Variants in ZBTB6 observed in about 807,000 individuals in gnomAD.
The protein encoded by ZBTB6 is zinc finger and BTB domain containing 6.
In ZBTB6, 11 loss-of-function variants were observed where a neutral mutation model predicts 30.6. The ratio of observed to expected loss-of-function variants is 0.36; its 90% confidence interval spans 0.23 to 0.60. The LOEUF (loss-of-function observed/expected upper bound fraction) is 0.60, where lower values mean the gene tolerates loss of function less well. ZBTB6 is among the 20% of genes least tolerant of loss of function. The pLI, the probability that ZBTB6 is intolerant of heterozygous loss-of-function variation, is 0.75. For synonymous variants in ZBTB6, 174 were observed against 172.0 expected (o/e 1.01, Z -0.09); for missense variants, 380 against 489.4 (o/e 0.78, Z 2.11).
chr9:122,912,185 G>C, intron 1 of ZBTB6, 104 bp from the exon 2 acceptor site: 1 of 1,172,168 alleles, frequency 8.5e-7, no homozygotes, highest in South Asian at 1.6e-5. Context: ...GAATTAGGAA[G>C]AAGAAGACTC....
Position 122,908,277 on chromosome 9 carries a change from T to G in ZBTB6, c.*2521A>C, listed in dbSNP as rs1832921252. ...ATGTGAATATGTTAAATGAATAAAT[T>G]CTATACTTTGTCATACCTGAACTTT... On this transcript the variant is annotated 3_prime_UTR_variant, in exon 2 of 2. Coordinates refer to ENST00000373659, the MANE Select transcript of ZBTB6 (RefSeq NM_006626.6). The G allele has an allele frequency of 6.6e-6, 1 of 152,234 alleles. No individual in the cohort carries two copies. The highest frequency in any genetic ancestry group is 2.1e-4 in the South Asian group (1 of 4,832). 9.4% of individuals were successfully genotyped at this position (152,234 alleles called of 1,614,324 possible).
chr9:122,911,382 C>A lies in ZBTB6; in HGVS notation c.691G>T (p.Glu231Ter), dbSNP rs779237963. The A allele has an allele frequency of 6.2e-7, 1 of 1,614,034 alleles. No individual in the cohort carries two copies. Among genetic ancestry groups the A allele is most frequent in the Admixed American group, 1.7e-5 (1 of 60,022 alleles). Residue 231 changes from glutamate (E) to a stop codon, truncating the protein, a stop_gained, in exon 2 of 2, where the codon GAA (glutamate) becomes TAA (stop). Coordinates refer to ENST00000373659, the MANE Select transcript of ZBTB6 (RefSeq NM_006626.6). LOFTEE classifies it high-confidence loss of function. This position sits in a 1 kb window ranked among gnomAD's most constrained non-coding sequence, Gnocchi z 4.5. ...HVESISTAGV[E>*]NGQFSQPCTS... ...CAAGGCTGTGAAAACTGCCCATTTT[C>A]GACACCAGCTGTACTGATGGATTCT...
Position 122,910,928 on chromosome 9 carries a change from T to A in ZBTB6, c.1145A>T (p.Tyr382Phe). ...ATCCATATCACAACAGTGGCATTTG[T>A]ATGGCCGATCCCCACTGTGTATGTT... The part of the protein sequence containing the change: ...HLNIHSGDRP[Y>F]KCHCCDMDFK... Residue 382 changes from tyrosine (Y) to phenylalanine (F), a missense_variant, in exon 2 of 2, where the codon TAC (tyrosine) becomes TTC (phenylalanine). Coordinates refer to ENST00000373659, the MANE Select transcript of ZBTB6 (RefSeq NM_006626.6). 6.2e-7 allele frequency: 1 copy of A among 1,614,180 alleles called. No homozygotes were observed. The highest frequency in any genetic ancestry group is 8.5e-7 in the Non-Finnish European group (1 of 1,180,012).
In ZBTB6 at chr9:122,908,988, A is replaced by G. The variant is rs1487946115; in HGVS notation, c.*1810T>C. On this transcript the variant is annotated 3_prime_UTR_variant, in exon 2 of 2. Transcript: ENST00000373659. ...GACCAAGATCAAAGTTATTTTACAT[A>G]TAAAGTTAAAAAGTTCAAGGAGAAA... The G allele has an allele frequency of 6.6e-6, 1 of 152,246 alleles. No homozygotes were observed. Among genetic ancestry groups the G allele is most frequent in the East Asian group, 1.9e-4 (1 of 5,198 alleles). The allele number at this position is 152,246 out of a possible 1,614,324, so 9.4% of individuals were successfully genotyped here.
At chr9:122,912,196 A>G in intron 1 of ZBTB6, 115 bp from the exon 2 acceptor site, 1 of 1,058,778 alleles carries the variant, frequency 9.4e-7, no homozygotes. Flanking sequence ...AAGAAGACTC[A>G]AAGTCTAATG....
At chr9:122,913,201 C>T in intron 1 of ZBTB6, 50 bp downstream of exon 1, 4 of 947,612 alleles carry the variant, frequency 4.2e-6, no homozygotes, top group Non-Finnish European at 5.0e-6. Flanking sequence ...CCTCCTCCTC[C>T]TCTTCCTCAG....
rs893536700 is a variant in ZBTB6, at chr9:122,911,661, G to T, written c.412C>A (p.Gln138Lys). ...GAAGACTGACACAGGTCAGTGTGTTGGTTGTTGTTTTTCATAGAAAGATCA... is the reference window on the plus strand; with the variant it reads ...GAAGACTGACACAGGTCAGTGTGTTTGTTGTTGTTTTTCATAGAAAGATCA... ...EIDLSMKNNN[Q>K]HTDLCQSSDP... The change falls in exon 2 of 2, where the codon CAA becomes AAA. Residue 138 changes from glutamine to lysine, a missense_variant. By Grantham distance (53) the Gln-to-Lys change is moderately conservative (BLOSUM62 1). Transcript: ENST00000373659. The surrounding 1 kb of genome is among the most constrained non-coding windows in gnomAD (Gnocchi z 4.5). The T allele has an allele frequency of 1.9e-6, 3 of 1,613,416 alleles. No homozygotes were observed. Among genetic ancestry groups the T allele is most frequent in the Non-Finnish European group, 2.5e-6 (3 of 1,180,042 alleles).
rs1375915803 is a variant in ZBTB6 at position 122,911,396 on chromosome 9, C to T, written c.677G>A (p.Ser226Asn). 1.2e-6 allele frequency: 2 copies of T among 1,614,154 alleles called. No individual in the cohort carries two copies. The highest frequency in any genetic ancestry group is 8.5e-7 in the Non-Finnish European group (1 of 1,180,040). Reference protein sequence around the residue: ...EICILHVESISTAGVENGQFS... With the variant: ...EICILHVESINTAGVENGQFS... ...CTGCCCATTTTCGACACCAGCTGTA[C>T]TGATGGATTCTACATGAAGGATACA... is the stretch of plus-strand genomic sequence containing the variant. Residue 226 changes from serine to asparagine, a missense_variant, in exon 2 of 2, where the codon AGT (serine) becomes AAT (asparagine). Ser to Asn is a conservative substitution (Grantham distance 46). Coordinates refer to ENST00000373659, the MANE Select transcript of ZBTB6 (RefSeq NM_006626.6). The surrounding 1 kb of genome is among the most constrained non-coding windows in gnomAD (Gnocchi z 4.5).
At position 122,911,217 on chromosome 9, in the gene ZBTB6, T is replaced by A; in HGVS notation, c.856A>T (p.Thr286Ser). ...TCCAGATTCTGAATCTCACTCACTG[T>A]ACCATAACTTCCTTCAGTATTCTCA... The part of the protein sequence containing the change: ...FCENTEGSYG[T>S]VSEIQNLEEG... Residue 286 changes from threonine to serine, a missense_variant, in exon 2 of 2, where the codon ACA (threonine) becomes TCA (serine). Coordinates refer to ENST00000373659, the MANE Select transcript of ZBTB6 (RefSeq NM_006626.6). The surrounding 1 kb of genome is among the most constrained non-coding windows in gnomAD (Gnocchi z 4.5). 1 of 1,614,214 alleles carries A rather than the reference T, an allele frequency of 6.2e-7. No individual in the cohort carries two copies. The highest frequency in any genetic ancestry group is 8.5e-7 in the Non-Finnish European group (1 of 1,180,030).
chr9:122,909,333 G>A lies in ZBTB6; in HGVS notation c.*1465C>T, dbSNP rs1832931991. ...ACAGCTTCAAAGAAAGATGCATCTA[G>A]TCAGTCTTCTTTACGAAAAGCAGTT... On this transcript the variant is annotated 3_prime_UTR_variant, in exon 2 of 2. Coordinates refer to ENST00000373659, the MANE Select transcript of ZBTB6 (RefSeq NM_006626.6). 1 of 152,200 alleles carries A rather than the reference G, an allele frequency of 6.6e-6. No homozygotes were observed. The highest frequency in any genetic ancestry group is 2.4e-5 in the African/African-American group (1 of 41,456). 9.4% of individuals were successfully genotyped at this position (152,200 alleles called of 1,614,324 possible).
Position 122,911,382 on chromosome 9 carries a change from C to T in ZBTB6, c.691G>A (p.Glu231Lys), listed in dbSNP as rs779237963. ...CAAGGCTGTGAAAACTGCCCATTTT[C>T]GACACCAGCTGTACTGATGGATTCT... ...HVESISTAGV[E>K]NGQFSQPCTS... The change falls in exon 2 of 2, where the codon GAA becomes AAA. Residue 231 changes from glutamate (E) to lysine (K), a missense_variant. Transcript: ENST00000373659. The surrounding 1 kb of genome is among the most constrained non-coding windows in gnomAD (Gnocchi z 4.5). 3.6e-5 allele frequency: 58 copies of T among 1,613,916 alleles called. No individual in the cohort carries two copies. Among genetic ancestry groups the T allele is most frequent in the African/African-American group, 1.1e-4 (8 of 74,914 alleles).
At chr9:122,912,179 T>A in intron 1 of ZBTB6, 98 bp from the exon 2 acceptor site, 1 of 1,222,624 alleles carries the variant, frequency 8.2e-7, no homozygotes, top group Non-Finnish European at 1.1e-6. Context: ...AAACCTGAAT[T>A]AGGAAGAAGA....
At position 122,912,807 on chromosome 9, in the gene ZBTB6, T is replaced by C. The variant is rs888076777; in HGVS notation, c.-10+444A>G. Among the ~76,000 whole-genome samples the C allele has an allele frequency of 2.0e-5, 3 of 152,184 alleles. No individual in the cohort carries two copies. In the East Asian group the frequency reaches 5.8e-4, roughly 29 times the overall value. On this transcript the variant is annotated intron_variant, in intron 1 of 1. Transcript: ENST00000373659. Reference sequence around the variant, plus strand: ...ACTCGAACCTCGTTCAATACTAAATTTTTCCATCATTACCCAGACAAAAAG... The same window carrying C: ...ACTCGAACCTCGTTCAATACTAAATCTTTCCATCATTACCCAGACAAAAAG...
At position 122,911,452 on chromosome 9, in the gene ZBTB6, T is replaced by C. The variant is rs889802281; in HGVS notation, c.621A>G (p.Thr207=). 3.1e-6 allele frequency: 5 copies of C among 1,614,086 alleles called. No homozygotes were observed. The African/African-American group carries it at 5.3e-5, about 17-fold the overall frequency. Residue 207 remains threonine (T), a synonymous_variant, in exon 2 of 2, where the codon ACA becomes ACG. Transcript: ENST00000373659. The surrounding 1 kb of genome is among the most constrained non-coding windows in gnomAD (Gnocchi z 4.5). ...RKEMKSPELS[T]VDIGFKDNEI... The stretch of plus-strand genomic sequence containing the variant: ...CATTGTCTTTAAAACCTATGTCTAC[T>C]GTAGACAGCTCTGGTGACTTCATTT...
rs758552863 is a variant in ZBTB6 at position 122,910,752 on chromosome 9, C to T, written c.*46G>A. 39 of 1,490,454 alleles carry T rather than the reference C, an allele frequency of 2.6e-5. 1 individual carries two copies. Among genetic ancestry groups the T allele is most frequent in the South Asian group, 1.7e-4 (13 of 76,996 alleles). 92.3% of individuals were successfully genotyped at this position (1,490,454 alleles called of 1,614,324 possible). A position where few individuals can be genotyped will look rare whatever the true frequency, so the allele number is the denominator to read the frequency against. Reference sequence around the variant, plus strand: ...TGCTGCATCTCTACAGAAAGACTTGCGTAATAGAATAATACAAACTTTATA... The same window carrying T: ...TGCTGCATCTCTACAGAAAGACTTGTGTAATAGAATAATACAAACTTTATA... On this transcript the variant is annotated 3_prime_UTR_variant, in exon 2 of 2. Coordinates refer to ENST00000373659, the MANE Select transcript of ZBTB6 (RefSeq NM_006626.6).
At position 122,910,748 on chromosome 9, in the gene ZBTB6, C is replaced by T. The variant is rs1832944982; in HGVS notation, c.*50G>A. On this transcript the variant is annotated 3_prime_UTR_variant, in exon 2 of 2. Transcript: ENST00000373659. The stretch of plus-strand genomic sequence containing the variant: ...CAAATGCTGCATCTCTACAGAAAGA[C>T]TTGCGTAATAGAATAATACAAACTT... The T allele has an allele frequency of 2.0e-6, 3 of 1,483,006 alleles. No homozygotes were observed. The highest frequency in any genetic ancestry group is 2.7e-6 in the Non-Finnish European group (3 of 1,097,624). The allele number at this position is 1,483,006 out of a possible 1,614,324, so 91.9% of individuals were successfully genotyped here. A position where few individuals can be genotyped will look rare whatever the true frequency, so the allele number is the denominator to read the frequency against.
chr9:122,910,013 C>G lies in ZBTB6; in HGVS notation c.*785G>C, dbSNP rs1280335798. 1.3e-5 allele frequency: 2 copies of G among 152,106 alleles called. No homozygotes were observed. Among genetic ancestry groups the G allele is most frequent in the Non-Finnish European group, 2.9e-5 (2 of 68,020 alleles). 9.4% of individuals were successfully genotyped at this position (152,106 alleles called of 1,614,324 possible). The stretch of plus-strand genomic sequence containing the variant: ...AAATAAAAAATAAAATAGAGAGGAA[C>G]TTTTAAAACAGTAGAACAGATATCC... On this transcript the variant is annotated 3_prime_UTR_variant, in exon 2 of 2. Coordinates refer to ENST00000373659, the MANE Select transcript of ZBTB6 (RefSeq NM_006626.6).
intron 1 of ZBTB6, 109 bp downstream of exon 1, chr9:122,913,142 G>T (rs1832970855): frequency 3.5e-6 from 2 of 565,694 alleles, no homozygotes; most frequent in Admixed American, 6.4e-5. Flanking sequence ...CGGCCCAGTG[G>T]TTGCAGCACA....
chr9:122,911,863 G>A lies in ZBTB6; in HGVS notation c.210C>T (p.Val70=). The change falls in exon 2 of 2, where the codon GTC becomes GTT. Residue 70 remains valine (V), a synonymous_variant. Transcript: ENST00000373659. This position sits in a 1 kb window ranked among gnomAD's most constrained non-coding sequence, Gnocchi z 4.5. ...CTGCACTCTGTAAGATGGTGATTCT[G>A]ACATGTTTTGACTGTGTGAGTAAAA... The part of the protein sequence containing the change: ...DQFLLTQSKH[V]RITILQSAEV... The A allele has an allele frequency of 1.9e-6, 3 of 1,614,196 alleles. No individual in the cohort carries two copies. Among genetic ancestry groups the A allele is most frequent in the Non-Finnish European group, 2.5e-6 (3 of 1,180,038 alleles).
Sources: gnomAD v4.1 joint callset for allele counts (sites outside exome capture counted in the v4.1 genomes callset) on GRCh38, gnomAD v4.1.1 for gene constraint, Gnocchi (gnomAD v3.1) non-coding constraint, MANE v1.5 for transcripts, NCBI Gene and HGNC (gene_info 2026-07-23, HGNC 2026-07-21) for gene names.